Variants in FMO1 observed in about 807,000 individuals in gnomAD.
The protein encoded by FMO1 is flavin-containing monooxygenase 1.
FMO1 carries 36 observed loss-of-function variants against 45.4 expected under a neutral mutation model. The observed-to-expected ratio is 0.79, with a 90% CI of 0.61 to 1.05. FMO1 has a LOEUF of 1.05. Ranked by LOEUF, FMO1 falls within the 50% of genes least tolerant of loss-of-function variation. The probability of loss-of-function intolerance (pLI) is 0.00; values close to 1 mark genes in which losing one functional copy is unlikely to be tolerated. For synonymous variants in FMO1, 228 were observed against 227.2 expected (o/e 1.00, Z -0.03); for missense variants, 615 against 640.3 (o/e 0.96, Z 0.43).
intron 3 of FMO1, among the ~76,000 whole-genome samples, chr1:171,274,880 C>A (rs1661040473): frequency 6.6e-6 from 1 of 152,204 alleles, no homozygotes; most frequent in Non-Finnish European, 1.5e-5. Context: ...CAATTGCTTT[C>A]TAGTTCTGGA....
chr1:171,271,202 CCA>C, intron 3 of FMO1: 1 of 872,714 alleles, frequency 1.1e-6, no homozygotes. Context: ...CACATCTCTC[CCA>C]GTTTCTTCAC....
intron 1 of FMO1, among the ~76,000 whole-genome samples, chr1:171,250,715 C>T (rs1033615206): frequency 3.9e-5 from 6 of 152,282 alleles, no homozygotes; most frequent in Non-Finnish European, 7.4e-5. Flanking sequence ...AGTTATTTTA[C>T]TTGTTTTTTT....
intron 5 of FMO1, among the ~76,000 whole-genome samples, chr1:171,279,785 C>A (rs941865454): frequency 6.6e-6 from 1 of 152,178 alleles, no homozygotes; most frequent in Non-Finnish European, 1.5e-5. Flanking sequence ...AGCTCTGCAT[C>A]AGAGAGTTTT....
At chr1:171,269,358 A>G (rs1464290037) in intron 3 of FMO1, among the ~76,000 whole-genome samples, 1 of 152,186 alleles carries the variant, frequency 6.6e-6, no homozygotes, top group Non-Finnish European at 1.5e-5. Context: ...TGATAGTGAT[A>G]TGAACAATAA....
chr1:171,279,537 C>T lies in FMO1; in HGVS notation c.627+666C>T, dbSNP rs372437292. On this transcript the variant is annotated intron_variant, in intron 5 of 8. Coordinates refer to ENST00000617670, the MANE Select transcript of FMO1 (RefSeq NM_001282693.2). ...AAACCCAAGTCTCTTTGACTCAAAG[C>T]CTACGTTCCTAACTATCCTCTTCTA... Among the ~76,000 whole-genome samples, 29 of 152,236 alleles carry T rather than the reference C, an allele frequency of 1.9e-4. No homozygotes were observed. The East Asian group carries it at 5.6e-3, about 29-fold the overall frequency.
intron 2 of FMO1, among the ~76,000 whole-genome samples, chr1:171,261,946 G>A (rs1405832866): frequency 6.6e-6 from 1 of 152,166 alleles, no homozygotes; most frequent in Non-Finnish European, 1.5e-5. Flanking sequence ...AACCACTTCT[G>A]ACCCAAGTAG....
At chr1:171,255,991 T>C (rs1660129684) in intron 1 of FMO1, among the ~76,000 whole-genome samples, 1 of 152,188 alleles carries the variant, frequency 6.6e-6, no homozygotes, top group Non-Finnish European at 1.5e-5. Context: ...GAGTAGCATT[T>C]GGCCGGGCAC....
At chr1:171,265,128 T>G (rs372713980) in intron 2 of FMO1, among the ~76,000 whole-genome samples, 1 of 152,102 alleles carries the variant, frequency 6.6e-6, no homozygotes, top group African/African-American at 2.4e-5. Context: ...AGGTGGCTCA[T>G]GCTTGTAATC....
intron 6 of FMO1, among the ~76,000 whole-genome samples, chr1:171,281,674 T>G (rs1355661281): frequency 2.0e-5 from 3 of 152,288 alleles, no homozygotes; most frequent in Non-Finnish European, 2.9e-5. Flanking sequence ...GCCCTTCAGC[T>G]CTCAGCCCCA....
chr1:171,271,434 A>G (rs529343878), intron 3 of FMO1: 230 of 1,006,934 alleles, frequency 2.3e-4, no homozygotes, highest in Non-Finnish European at 3.4e-4. Flanking sequence ...TTTAGCAGAC[A>G]TGGTCTTCCA....
At chr1:171,278,055 A>G (rs988782474) in intron 4 of FMO1, among the ~76,000 whole-genome samples, 7 of 152,196 alleles carry the variant, frequency 4.6e-5, no homozygotes, top group African/African-American at 1.7e-4. Flanking sequence ...TGTTTCAATA[A>G]GATTCAGCAT....
chr1:171,279,776 G>C (rs1006255718), intron 5 of FMO1, among the ~76,000 whole-genome samples: 21 of 152,146 alleles, frequency 1.4e-4, no homozygotes, highest in African/African-American at 4.8e-4. Context: ...AGACGTAGTA[G>C]CTCTGCATCA....
At chr1:171,282,428 T>A in intron 7 of FMO1, 95 bp downstream of exon 7, 1 of 769,634 alleles carries the variant, frequency 1.3e-6, no homozygotes, top group Non-Finnish European at 2.1e-6. Context: ...TGCTTCTATT[T>A]AAAATAACAG....
At chr1:171,258,991 C>T (rs577309957) in intron 2 of FMO1, among the ~76,000 whole-genome samples, 63 of 152,266 alleles carry the variant, frequency 4.1e-4, no homozygotes, top group African/African-American at 1.4e-3. Flanking sequence ...ATGGCTTAGT[C>T]AGGGAAACAT....
intron 1 of FMO1, among the ~76,000 whole-genome samples, chr1:171,249,184 T>A (rs1659767162): frequency 6.6e-6 from 1 of 152,110 alleles, no homozygotes; most frequent in South Asian, 2.1e-4. Context: ...AATTTATTGA[T>A]TTCCATGTGA....
At chr1:171,281,617 C>G (rs915191968) in intron 6 of FMO1, among the ~76,000 whole-genome samples, 2 of 152,168 alleles carry the variant, frequency 1.3e-5, no homozygotes, top group African/African-American at 2.4e-5. Flanking sequence ...GAGACTAGAG[C>G]TTTCAGAAGT....
At chr1:171,270,581 G>T in intron 3 of FMO1, 1 of 986,042 alleles carries the variant, frequency 1.0e-6, no homozygotes, top group Non-Finnish European at 1.2e-6. Context: ...TTACAGAGTG[G>T]TATTCAGTTA....
At chr1:171,251,257 GGCCAAGTC>G (rs1659875622) in intron 1 of FMO1, among the ~76,000 whole-genome samples, 1 of 152,058 alleles carries the variant, frequency 6.6e-6, no homozygotes, top group Non-Finnish European at 1.5e-5. Flanking sequence ...AGCTGATCAG[GGCCAAGTC>G]GCAACTGTTT....
intron 4 of FMO1, 90 bp downstream of exon 4, chr1:171,275,598 C>T: frequency 2.2e-6 from 2 of 903,866 alleles, no homozygotes; most frequent in Admixed American, 2.7e-5. Context: ...TATGGCTGTT[C>T]CATTAAATAG....
Sources: allele counts gnomAD v4.1 joint callset (sites outside exome capture counted in the v4.1 genomes callset), GRCh38; gene constraint gnomAD v4.1.1; transcripts MANE v1.5; gene names NCBI Gene and HGNC (gene_info 2026-07-23, HGNC 2026-07-21).